The following PTBP3 variants were observed in gnomAD, a reference collection of about 807,000 sequenced individuals.
The protein encoded by PTBP3 is polypyrimidine tract-binding protein 3.
A neutral mutation model predicts 58.7 loss-of-function variants in PTBP3; 20 were observed. The observed-to-expected ratio is 0.34, with a 90% CI of 0.24 to 0.50. The LOEUF is 0.50. Ranked by LOEUF, PTBP3 falls within the 20% of genes least tolerant of loss-of-function variation. The probability of loss-of-function intolerance (pLI) is 0.98; values close to 1 mark genes in which losing one functional copy is unlikely to be tolerated. For missense variants in PTBP3, 509 were observed against 637.2 expected (o/e 0.80, Z 2.17); for synonymous variants, 185 against 219.8 (o/e 0.84, Z 1.40).
intron 2 of PTBP3, among the ~76,000 whole-genome samples, chr9:112,290,043 T>C (rs948304576): frequency 6.6e-6 from 1 of 152,184 alleles, no homozygotes; most frequent in East Asian, 1.9e-4. Flanking sequence ...CAAAAAATGG[T>C]AGCCATTAAG....
At chr9:112,319,137 AAAAAAAAG>A (rs1366626969) in intron 1 of PTBP3, among the ~76,000 whole-genome samples, 1 of 149,208 alleles carries the variant, frequency 6.7e-6, no homozygotes, top group Admixed American at 6.8e-5. Context: ...CAAGAAAAAA[AAAAAAAAG>A]AAAGAAAATT....
chr9:112,376,453 C>G, the PTBP3 span, among the ~76,000 whole-genome samples: 1 of 151,656 alleles, frequency 6.6e-6, no homozygotes, highest in Non-Finnish European at 1.5e-5. Context: ...GGGGTTTCAC[C>G]ACGTTGGCCA....
chr9:112,361,591 T>C, the PTBP3 span, among the ~76,000 whole-genome samples: 1 of 152,182 alleles, frequency 6.6e-6, no homozygotes, highest in African/African-American at 2.4e-5. Flanking sequence ...TAGAAAACTT[T>C]GTTATTTTTG....
intron 4 of PTBP3, among the ~76,000 whole-genome samples, chr9:112,267,234 C>T (rs539087849): frequency 6.6e-6 from 1 of 150,638 alleles, no homozygotes; most frequent in East Asian, 2.0e-4. Flanking sequence ...GGCACGGTCT[C>T]GGCTCACCGC....
At chr9:112,325,599 T>TAAAAAAAA (rs56025050) in intron 1 of PTBP3, among the ~76,000 whole-genome samples, 1 of 144,492 alleles carries the variant, frequency 6.9e-6, no homozygotes, top group Non-Finnish European at 1.5e-5. Context: ...TCACAGAAAT[T>TAAAAAAAA]AAAAAAAAAA....
intron 5 of PTBP3, among the ~76,000 whole-genome samples, chr9:112,258,156 C>G (rs546441226): frequency 1.3e-5 from 2 of 152,168 alleles, no homozygotes; most frequent in South Asian, 2.1e-4. Context: ...AAGATTGGTC[C>G]TTTGTCCAGA....
chr9:112,351,640 C>G, the PTBP3 span, among the ~76,000 whole-genome samples: 1 of 152,200 alleles, frequency 6.6e-6, no homozygotes, highest in African/African-American at 2.4e-5. Flanking sequence ...TGGTCATTCT[C>G]CCTCATTTAC....
intron 1 of PTBP3, among the ~76,000 whole-genome samples, chr9:112,312,503 A>ATTTTT (rs1425044871): frequency 1.0e-4 from 8 of 79,462 alleles, no homozygotes; most frequent in African/African-American, 4.0e-4. Context: ...TTTTTTTTAA[A>ATTTTT]AAAAAAAAAA....
At chr9:112,269,536 A>G (rs1046532897) in intron 3 of PTBP3, among the ~76,000 whole-genome samples, 4 of 152,192 alleles carry the variant, frequency 2.6e-5, no homozygotes, top group Non-Finnish European at 1.5e-5. Context: ...ATATGGTAGA[A>G]AGGGAACTTG....
intron 12 of PTBP3, 40 bp downstream of exon 12, chr9:112,227,371 A>C: frequency 6.3e-7 from 1 of 1,585,142 alleles, no homozygotes; most frequent in Non-Finnish European, 8.7e-7. Flanking sequence ...ATTGTAGATT[A>C]TTCATCATCT....
At chr9:112,317,985 T>C (rs1479115623) in intron 1 of PTBP3, among the ~76,000 whole-genome samples, 2 of 152,096 alleles carry the variant, frequency 1.3e-5, no homozygotes, top group Non-Finnish European at 2.9e-5. Context: ...CAACTTTACA[T>C]GCATAAATCC....
chr9:112,271,643 T>C (rs991689813), intron 3 of PTBP3, among the ~76,000 whole-genome samples: 2 of 152,010 alleles, frequency 1.3e-5, no homozygotes, highest in Non-Finnish European at 2.9e-5. Flanking sequence ...GCAGTATCAC[T>C]TGAACCTGGG....
Position 112,283,512 on chromosome 9 carries a change from T to TA in PTBP3, c.35-7500dup, listed in dbSNP as rs575199063. ...TGTGGAACTCTGAACTCAGATGATTTAGGGTATCTGGCAGAAGAAATTTCT... is the reference window on the plus strand; with the variant it reads ...TGTGGAACTCTGAACTCAGATGATTTAAGGGTATCTGGCAGAAGAAATTTCT... On this transcript the variant is annotated intron_variant, in intron 2 of 13. Coordinates refer to ENST00000374257, the MANE Select transcript of PTBP3 (RefSeq NM_001163788.4). 2.1e-3 allele frequency among the ~76,000 whole-genome samples: 315 copies of TA among 152,306 alleles called. 1 individual carries two copies. Among genetic ancestry groups the TA allele is most frequent in the African/African-American group, 7.4e-3 (307 of 41,564 alleles).
At chr9:112,261,838 T>C (rs1836610368) in intron 5 of PTBP3, among the ~76,000 whole-genome samples, 1 of 152,232 alleles carries the variant, frequency 6.6e-6, no homozygotes, top group Admixed American at 6.5e-5. Context: ...CAATATTCTA[T>C]ACTTATCAAT....
At chr9:112,356,240 A>G in the PTBP3 span, among the ~76,000 whole-genome samples, 1 of 152,244 alleles carries the variant, frequency 6.6e-6, no homozygotes, top group East Asian at 1.9e-4. Context: ...CGGCGTCCCA[A>G]AGTACTGAGA....
intron 10 of PTBP3, among the ~76,000 whole-genome samples, chr9:112,230,466 G>A (rs113100646): frequency 0.011 from 1,631 of 151,994 alleles, 25 homozygotes; most frequent in African/African-American, 0.038. Flanking sequence ...TGATTTACGG[G>A]GAAAAAATCT....
intron 1 of PTBP3, among the ~76,000 whole-genome samples, chr9:112,326,302 C>T (rs1830154454): frequency 6.6e-6 from 1 of 152,196 alleles, no homozygotes; most frequent in Non-Finnish European, 1.5e-5. Context: ...AGCAGGCAAA[C>T]GTTTTCTGTA....
rs552726643 is a variant in PTBP3 at position 112,268,672 on chromosome 9, A to G, written c.205-477T>C. Reference sequence around the variant, plus strand: ...GGGTGCAGTGATCCATGTTTGCATGACTGCACTGCAGCATGGGTAACAGGA... The same window carrying G: ...GGGTGCAGTGATCCATGTTTGCATGGCTGCACTGCAGCATGGGTAACAGGA... On this transcript the variant is annotated intron_variant, in intron 3 of 13. Coordinates refer to ENST00000374257, the MANE Select transcript of PTBP3 (RefSeq NM_001163788.4). 1.4e-5 allele frequency among the ~76,000 whole-genome samples: 2 copies of G among 147,160 alleles called. 1 individual carries two copies. The highest frequency in any genetic ancestry group is 5.0e-5 in the African/African-American group (2 of 40,354).
At chr9:112,314,703 G>T (rs1248026317) in intron 1 of PTBP3, among the ~76,000 whole-genome samples, 1 of 151,942 alleles carries the variant, frequency 6.6e-6, no homozygotes, top group Non-Finnish European at 1.5e-5. Flanking sequence ...ACACCTCACA[G>T]AACTACAAAA....
Sources: allele counts gnomAD v4.1 joint callset (sites outside exome capture counted in the v4.1 genomes callset), GRCh38; gene constraint gnomAD v4.1.1; transcripts MANE v1.5; gene names NCBI Gene and HGNC (gene_info 2026-07-23, HGNC 2026-07-21).